Variants in SYNPO2L observed in about 807,000 individuals in gnomAD.
The protein encoded by SYNPO2L is synaptopodin 2-like protein.
Under a neutral mutation model 47.5 loss-of-function variants are expected in SYNPO2L, and 34 were observed. The ratio of observed to expected loss-of-function variants is 0.72; its 90% CI spans 0.54 to 0.95. SYNPO2L has a LOEUF of 0.95. Ranked by LOEUF, SYNPO2L falls within the 40% of genes least tolerant of loss-of-function variation. The pLI, the probability that SYNPO2L is intolerant of heterozygous loss-of-function variation, is 0.00. For synonymous variants in SYNPO2L, 536 were observed against 524.9 expected (o/e 1.02, Z -0.29); for missense variants, 1,246 against 1,282.0 (o/e 0.97, Z 0.43).
In SYNPO2L at chr10:73,648,123, A is replaced by G. The variant is rs1564991812; in HGVS notation, c.1529T>C (p.Leu510Ser). ...GGLSPAPPPF[L>S]SSQGPTPLPS... ...CAGAGGGGTGGGCCCCTGCGAAGAC[A>G]AGAAGGGGGGTGGGGCGGGGCTGAG... is the stretch of plus-strand genomic sequence containing the variant. Residue 510 changes from leucine to serine, a missense_variant, in exon 4 of 4, where the codon TTG becomes TCG. Around this residue, in one of 3 missense-constraint regions of SYNPO2L, gnomAD observed 1,037 missense variants for 1,021.5 expected, o/e 1.02. Coordinates refer to ENST00000394810, the MANE Select transcript of SYNPO2L (RefSeq NM_001114133.3). The G allele has an allele frequency of 3.9e-6, 6 of 1,539,136 alleles. No individual in the cohort carries two copies. In the African/African-American group the frequency reaches 4.1e-5, roughly 11 times the overall value.
chr10:73,648,033 G>A lies in SYNPO2L; in HGVS notation c.1619C>T (p.Ser540Phe). 6.3e-7 allele frequency: 1 copy of A among 1,592,298 alleles called. No homozygotes were observed. Among genetic ancestry groups the A allele is most frequent in the Non-Finnish European group, 8.5e-7 (1 of 1,169,776 alleles). Residue 540 changes from serine to phenylalanine, a missense_variant, in exon 4 of 4, where the codon TCC becomes TTC. Physicochemically the swap from Ser to Phe is radical, Grantham distance 155 (BLOSUM62 -2). Coordinates refer to ENST00000394810, the MANE Select transcript of SYNPO2L (RefSeq NM_001114133.3). ...PVSGSPSTPR[S>F]SGPVTATSSL... ...GCTGGTGGCTGTCACAGGGCCCGAG[G>A]AGCGTGGGGTGCTGGGGGAACCAGA...
rs1156780937 is a variant in SYNPO2L, at chr10:73,652,082, A to C, written c.772+1057T>G. Reference sequence around the variant, plus strand: ...ACTCTATCTCAAAAAAAAAAAAAAAAAAAAAAAACCAGAAAAAAAAAAGAA... The same window carrying C: ...ACTCTATCTCAAAAAAAAAAAAAAACAAAAAAAACCAGAAAAAAAAAAGAA... On this transcript the variant is annotated intron_variant, in intron 3 of 3. Coordinates refer to ENST00000394810, the MANE Select transcript of SYNPO2L (RefSeq NM_001114133.3). 2.9e-5 allele frequency among the ~76,000 whole-genome samples: 4 copies of C among 135,866 alleles called. No homozygotes were observed. In the Middle Eastern group the frequency reaches 0.011, roughly 372 times the overall value. 89.1% of individuals were successfully genotyped at this position (135,866 alleles called of 152,430 possible).
rs1242347769 is a variant in SYNPO2L, at chr10:73,647,437, C to T, written c.2215G>A (p.Val739Met). ...PPSRGLLDGLVNGAASSAGIP... is the reference protein window; with the variant it reads ...PPSRGLLDGLMNGAASSAGIP... ...CCAGCCGAAGAGGCTGCCCCATTCA[C>T]GAGCCCATCAAGGAGCCCTCGAGAT... is the stretch of plus-strand genomic sequence containing the variant. The change falls in exon 4 of 4, where the codon GTG becomes ATG. Residue 739 changes from valine to methionine, a missense_variant. By Grantham distance (21) the Val-to-Met change is conservative (BLOSUM62 1). Coordinates refer to ENST00000394810, the MANE Select transcript of SYNPO2L (RefSeq NM_001114133.3). 1.9e-6 allele frequency: 3 copies of T among 1,608,350 alleles called. No individual in the cohort carries two copies. In the African/African-American group the frequency reaches 4.0e-5, roughly 22 times the overall value.
rs770274901 is a variant in SYNPO2L, at chr10:73,647,762, C to T, written c.1890G>A (p.Arg630=). The part of the protein sequence containing the change: ...RTGILQEARR[R]GTRKQMFRPG... ...GCCGGAACATCTGCTTCCGGGTCCC[C>T]CGGCGCCGGGCCTCCTGCAGGATAC... The change falls in exon 4 of 4, where the codon CGG becomes CGA. Residue 630 remains arginine, a synonymous_variant. Transcript: ENST00000394810. The T allele has an allele frequency of 2.1e-5, 34 of 1,613,824 alleles. No individual in the cohort carries two copies. In the South Asian group the frequency reaches 3.6e-4, roughly 17 times the overall value.
rs748573273 is a variant in SYNPO2L at position 73,646,898 on chromosome 10, G to A, written c.2754C>T (p.Pro918=). 7 of 1,571,394 alleles carry A rather than the reference G, an allele frequency of 4.5e-6. No homozygotes were observed. The East Asian group carries it at 1.4e-4, about 30-fold the overall frequency. Residue 918 remains proline, a synonymous_variant, in exon 4 of 4, where the codon CCC becomes CCT. Coordinates refer to ENST00000394810, the MANE Select transcript of SYNPO2L (RefSeq NM_001114133.3). ...CTGAGGCCAGTTCTGTTCTCCAGATGGGCTCATCCAGTGTAGTGGCTGCTC... is the reference window on the plus strand; with the variant it reads ...CTGAGGCCAGTTCTGTTCTCCAGATAGGCTCATCCAGTGTAGTGGCTGCTC... ...APRAATTLDE[P]IWRTELASAP... is the part of the protein sequence containing the mutation.
At chr10:73,652,928 G>T (rs990556383) in intron 3 of SYNPO2L, among the ~76,000 whole-genome samples, 2 of 152,136 alleles carry the variant, frequency 1.3e-5, no homozygotes, top group African/African-American at 4.8e-5. Context: ...GGGTTGAACT[G>T]AATCACCTTA....
chr10:73,647,383 T>TG lies in SYNPO2L; in HGVS notation c.2268dup (p.Arg757GlnfsTer8), dbSNP rs1428511393. 1 of 1,613,836 alleles carries TG rather than the reference T, an allele frequency of 6.2e-7. No homozygotes were observed. Among genetic ancestry groups the TG allele is most frequent in the Non-Finnish European group, 8.5e-7 (1 of 1,179,942 alleles). The stretch of plus-strand genomic sequence containing the variant: ...CGCTTAGCAAACAGCTCCCCACCCC[T>TG]GCCCTGCAGCCTTGGTGGCTCAGGG... On this transcript the variant is annotated frameshift_variant, in exon 4 of 4. Transcript: ENST00000394810. LOFTEE classifies it high-confidence loss of function.
rs149659353 is a variant in SYNPO2L, at chr10:73,647,418, G to A, written c.2234C>T (p.Ser745Leu). 3.0e-4 allele frequency: 489 copies of A among 1,612,710 alleles called. 1 individual carries two copies. The highest frequency in any genetic ancestry group is 9.9e-4 in the Middle Eastern group (6 of 6,074). ...LDGLVNGAAS[S>L]AGIPEPPRLQ... ...CCTTGGTGGCTCAGGGATTCCAGCC[G>A]AAGAGGCTGCCCCATTCACGAGCCC... Residue 745 changes from serine to leucine, a missense_variant, in exon 4 of 4, where the codon TCG becomes TTG. Transcript: ENST00000394810.
rs777401682 is a variant in SYNPO2L, at chr10:73,648,408, T to A, written c.1244A>T (p.Asn415Ile). 2 of 1,607,814 alleles carry A rather than the reference T, an allele frequency of 1.2e-6. No homozygotes were observed. The highest frequency in any genetic ancestry group is 2.2e-5 in the East Asian group (1 of 44,876). Reference sequence around the variant, plus strand: ...AGGTGGTGACTGCAGGCCTTCCCCGTTGAGCATGGCTGCTGGTTCGACCCG... The same window carrying A: ...AGGTGGTGACTGCAGGCCTTCCCCGATGAGCATGGCTGCTGGTTCGACCCG... ...LARVEPAAML[N>I]GEGLQSPPRA... Residue 415 changes from asparagine to isoleucine, a missense_variant, in exon 4 of 4, where the codon AAC becomes ATC. By Grantham distance (149) the Asn-to-Ile change is moderately radical. Around this residue, in one of 3 missense-constraint regions of SYNPO2L, gnomAD observed 1,037 missense variants for 1,021.5 expected, o/e 1.02. Coordinates refer to ENST00000394810, the MANE Select transcript of SYNPO2L (RefSeq NM_001114133.3).
In SYNPO2L at chr10:73,645,974, G is replaced by A. The variant is rs550782594; in HGVS notation, c.*744C>T. 809 of 845,850 alleles carry A rather than the reference G, an allele frequency of 9.6e-4. 1 individual carries two copies. Among genetic ancestry groups the A allele is most frequent in the African/African-American group, 5.8e-3 (316 of 54,854 alleles). The allele number at this position is 845,850 out of a possible 1,614,324, so 52.4% of individuals were successfully genotyped here. On this transcript the variant is annotated 3_prime_UTR_variant, in exon 4 of 4. Transcript: ENST00000394810. ...CGAGTAGCTGGGACTACAGGCGCTC[G>A]CCACCACGCCCAGCTAATTTTTTGT...
Position 73,647,516 on chromosome 10 carries a change from C to CTTGGGAGCCA in SYNPO2L, c.2126_2135dup (p.Lys712AsnfsTer12). On this transcript the variant is annotated frameshift_variant, in exon 4 of 4. Transcript: ENST00000394810. LOFTEE classifies it high-confidence loss of function. ...TCTTAGGAGTCATAGGGGGCGGGGT[C>CTTGGGAGCCA]TTGGGAGCCATTGGAGGGGGGGTCT... 1 of 1,585,982 alleles carries CTTGGGAGCCA rather than the reference C, an allele frequency of 6.3e-7. No individual in the cohort carries two copies. Among genetic ancestry groups the CTTGGGAGCCA allele is most frequent in the Non-Finnish European group, 8.6e-7 (1 of 1,163,436 alleles).
At position 73,646,840 on chromosome 10, in the gene SYNPO2L, C is replaced by A; in HGVS notation, c.2812G>T (p.Ala938Ser). Residue 938 changes from alanine to serine, a missense_variant, in exon 4 of 4, where the codon GCT (alanine) becomes TCT (serine). Physicochemically the swap from Ala to Ser is moderately conservative, Grantham distance 99. Coordinates refer to ENST00000394810, the MANE Select transcript of SYNPO2L (RefSeq NM_001114133.3). ...GGAGAAGCCCCAAGGCCCCTGGGAG[C>A]CTCTGGAGGAGGGGCTGGGCTAGGA... The part of the protein sequence containing the change: ...PVPSPAPPPE[A>S]PRGLGASPSS... The A allele has an allele frequency of 1.9e-6, 3 of 1,546,326 alleles. No homozygotes were observed. Among genetic ancestry groups the A allele is most frequent in the Non-Finnish European group, 2.6e-6 (3 of 1,148,894 alleles).
At position 73,653,196 on chromosome 10, in the gene SYNPO2L, G is replaced by A; in HGVS notation, c.715C>T (p.Pro239Ser). 6.8e-7 allele frequency: 1 copy of A among 1,470,694 alleles called. No homozygotes were observed. Among genetic ancestry groups the A allele is most frequent in the Non-Finnish European group, 9.0e-7 (1 of 1,106,142 alleles). The allele number at this position is 1,470,694 out of a possible 1,614,324, so 91.1% of individuals were successfully genotyped here. The change falls in exon 3 of 4, where the codon CCC becomes TCC. Residue 239 changes from proline (P) to serine (S), a missense_variant. Pro to Ser is a moderately conservative substitution (Grantham distance 74). Transcript: ENST00000394810. ...GTAAGATCTTCTGCCACTGGGTGGG[G>A]AACAGGCCCCACCATAGGGATGAGA... The part of the protein sequence containing the change: ...PHLIPMVGPV[P>S]HPVAEDLTTT...
intron 1 of SYNPO2L, 135 bp from the exon 2 acceptor site, chr10:73,654,415 G>T: frequency 2.6e-6 from 3 of 1,148,242 alleles, no homozygotes; most frequent in East Asian, 2.6e-5. Flanking sequence ...CATGGAAGTG[G>T]CTGCAGTTGA....
Position 73,653,403 on chromosome 10 carries a change from C to T in SYNPO2L, c.508G>A (p.Ala170Thr). The T allele has an allele frequency of 1.3e-6, 2 of 1,551,494 alleles. No individual in the cohort carries two copies. The highest frequency in any genetic ancestry group is 2.7e-5 in the African/African-American group (2 of 73,176). ...GACAGGTAGACCTCATCAGGTGGGG[C>T]ACCCGGAGGGGTGGGCCTTGTGGGG... ...RGPTRPTPPG[A>T]PPDEVYLSDS... is the part of the protein sequence containing the mutation. The change falls in exon 3 of 4, where the codon GCC (alanine) becomes ACC (threonine). Residue 170 changes from alanine (A) to threonine (T), a missense_variant. Ala to Thr is a moderately conservative substitution (Grantham distance 58). Coordinates refer to ENST00000394810, the MANE Select transcript of SYNPO2L (RefSeq NM_001114133.3).
rs2081831043 is a variant in SYNPO2L at position 73,650,295 on chromosome 10, G to C, written c.773-1416C>G. ...TGGTATCTTGAGTGGAAAGTAGATG[G>C]AACTTTTTCATTTTTGTCATTCCTC... On this transcript the variant is annotated intron_variant, in intron 3 of 3. Coordinates refer to ENST00000394810, the MANE Select transcript of SYNPO2L (RefSeq NM_001114133.3). 53 of 956,200 alleles carry C rather than the reference G, an allele frequency of 5.5e-5. No individual in the cohort carries two copies. The South Asian group carries it at 2.3e-3, about 42-fold the overall frequency. The allele number at this position is 956,200 out of a possible 1,614,324, so 59.2% of individuals were successfully genotyped here.
At chr10:73,655,382 G>A (rs1236795360) in intron 1 of SYNPO2L, among the ~76,000 whole-genome samples, 1 of 151,998 alleles carries the variant, frequency 6.6e-6, no homozygotes, top group African/African-American at 2.4e-5. Flanking sequence ...GGCAGGGTGA[G>A]GCAGGGTAGG....
chr10:73,649,001 C>A, intron 3 of SYNPO2L, 122 bp from the exon 4 acceptor site: 1 of 1,335,054 alleles, frequency 7.5e-7, no homozygotes, highest in Non-Finnish European at 9.6e-7. Context: ...CCCACAATGT[C>A]CCCTGTGACA....
In SYNPO2L at chr10:73,648,899, A is replaced by G. The variant is rs1199427977; in HGVS notation, c.773-20T>C. On this transcript the variant is annotated intron_variant, in intron 3 of 3. Coordinates refer to ENST00000394810, the MANE Select transcript of SYNPO2L (RefSeq NM_001114133.3). ...GCAGTTCTGGGGAGGCCAAGAGGTA[A>G]AATGGTCAGGGGGGCTTCCCAGCCT... is the stretch of plus-strand genomic sequence containing the variant. 1 of 1,489,920 alleles carries G rather than the reference A, an allele frequency of 6.7e-7. No homozygotes were observed. The allele number at this position is 1,489,920 out of a possible 1,614,324, so 92.3% of individuals were successfully genotyped here. A position where few individuals can be genotyped will look rare whatever the true frequency, so the allele number is the denominator to read the frequency against.
Sources: allele counts gnomAD v4.1 joint callset (sites outside exome capture counted in the v4.1 genomes callset), GRCh38; gene constraint gnomAD v4.1.1; regional missense constraint gnomAD v4.1.1; transcripts MANE v1.5; gene names NCBI Gene and HGNC (gene_info 2026-07-23, HGNC 2026-07-21).